The following TMTC1 variants were observed in gnomAD, a reference collection of about 807,000 sequenced individuals.
TMTC1 encodes the protein protein O-mannosyl-transferase TMTC1.
Under a neutral mutation model 104.8 loss-of-function variants are expected in TMTC1, and 73 were observed. The observed-to-expected ratio is 0.70, with a 90% CI of 0.58 to 0.85. The LOEUF (loss-of-function observed/expected upper bound fraction) is 0.85. Ranked by LOEUF, TMTC1 falls within the 40% of genes least tolerant of loss-of-function variation. The pLI is 0.00. For synonymous variants in TMTC1, 434 were observed against 428.7 expected, an observed-to-expected ratio of 1.01 and a Z score of -0.15; for missense variants, 1,035 against 1,096.1, an observed-to-expected ratio of 0.94 and a Z score of 0.79.
intron 5 of TMTC1, among the ~76,000 whole-genome samples, chr12:29,689,588 T>C (rs1193014836): frequency 6.6e-6 from 1 of 152,322 alleles, no homozygotes; most frequent in African/African-American, 2.4e-5. Context: ...TGAATTTTAC[T>C]CTAATTTCTA....
intron 7 of TMTC1, among the ~76,000 whole-genome samples, chr12:29,596,006 T>C (rs1054354344): frequency 1.3e-5 from 2 of 151,326 alleles, no homozygotes; most frequent in Non-Finnish European, 2.9e-5. Flanking sequence ...ATTGTTGTTG[T>C]TGTTCATTTT....
intron 5 of TMTC1, among the ~76,000 whole-genome samples, chr12:29,635,640 C>T (rs1183833384): frequency 1.3e-5 from 2 of 152,134 alleles, no homozygotes; most frequent in Non-Finnish European, 2.9e-5. Flanking sequence ...CTGATGTCCT[C>T]CTGATGGAAA....
At chr12:29,732,939 G>GC (rs1349284020) in intron 5 of TMTC1, among the ~76,000 whole-genome samples, 1 of 152,144 alleles carries the variant, frequency 6.6e-6, no homozygotes, top group Non-Finnish European at 1.5e-5. Context: ...CCAGGATAAA[G>GC]CCTCTCACCT....
intron 5 of TMTC1, chr12:29,666,152 G>A (rs142947248): frequency 2.3e-6 from 1 of 429,800 alleles, no homozygotes; most frequent in East Asian, 7.1e-5. Context: ...ATAGCAAGAT[G>A]ATCAATAAAT....
intron 5 of TMTC1, among the ~76,000 whole-genome samples, chr12:29,664,625 A>T (rs996385339): frequency 7.9e-5 from 12 of 152,370 alleles, no homozygotes; most frequent in African/African-American, 2.6e-4. Context: ...CACTAATCTA[A>T]GTGATTTGAG....
chr12:29,670,310 C>A (rs868840961), intron 5 of TMTC1, among the ~76,000 whole-genome samples: 2 of 152,140 alleles, frequency 1.3e-5, no homozygotes, highest in South Asian at 4.1e-4. Flanking sequence ...GCAGCAAATA[C>A]CATTTAATGA....
At chr12:29,719,677 G>T (rs1485004267) in intron 5 of TMTC1, among the ~76,000 whole-genome samples, 1 of 152,142 alleles carries the variant, frequency 6.6e-6, no homozygotes, top group Non-Finnish European at 1.5e-5. Context: ...ATTCTGCAAT[G>T]CCTGCAAGGC....
In TMTC1 at chr12:29,565,755, G is replaced by A. The variant is rs186453612; in HGVS notation, c.1532+6350C>T. Among the ~76,000 whole-genome samples, 147 of 152,360 alleles carry A rather than the reference G, an allele frequency of 9.6e-4. 1 individual carries two copies. Among genetic ancestry groups the A allele is most frequent in the African/African-American group, 3.4e-3 (141 of 41,578 alleles). The stretch of plus-strand genomic sequence containing the variant: ...CCAGTTACTTGGGAGGCTGAGGCAA[G>A]AGAATCTCTTGTACCCAGAAGGCAG... On this transcript the variant is annotated intron_variant, in intron 9 of 17. Coordinates refer to ENST00000539277, the MANE Select transcript of TMTC1 (RefSeq NM_001193451.2).
At chr12:29,590,177 C>T (rs1374371340) in intron 7 of TMTC1, among the ~76,000 whole-genome samples, 1 of 145,214 alleles carries the variant, frequency 6.9e-6, no homozygotes. Flanking sequence ...GGGCCATATA[C>T]AGTAACAAAA....
intron 5 of TMTC1, chr12:29,660,038 T>C: frequency 7.4e-7 from 1 of 1,353,948 alleles, no homozygotes; most frequent in Non-Finnish European, 1.0e-6. Context: ...CCACCCTTTT[T>C]GCAGGTGCAT....
intron 11 of TMTC1, among the ~76,000 whole-genome samples, chr12:29,525,739 T>TA (rs1944325608): frequency 6.6e-6 from 1 of 152,214 alleles, no homozygotes; most frequent in African/African-American, 2.4e-5. Flanking sequence ...AAGGCCAACT[T>TA]ACGTTTTCCC....
At chr12:29,529,017 A>G (rs1944425744) in intron 11 of TMTC1, among the ~76,000 whole-genome samples, 1 of 152,142 alleles carries the variant, frequency 6.6e-6, no homozygotes, top group South Asian at 2.1e-4. Context: ...TGTCGGTTCA[A>G]TCTGTTTTAT....
intron 5 of TMTC1, among the ~76,000 whole-genome samples, chr12:29,673,748 T>G (rs1940610015): frequency 1.2e-5 from 1 of 84,994 alleles, no homozygotes; most frequent in African/African-American, 3.7e-5. Context: ...GGACTTCTTT[T>G]TTTTTTTTTT....
intron 8 of TMTC1, among the ~76,000 whole-genome samples, chr12:29,580,318 C>G (rs941631126): frequency 6.6e-6 from 1 of 151,820 alleles, no homozygotes; most frequent in African/African-American, 2.4e-5. Context: ...GACTTTGTCT[C>G]AAAAATAAAT....
chr12:29,540,618 T>G (rs1466563318), intron 10 of TMTC1, among the ~76,000 whole-genome samples: 1 of 151,946 alleles, frequency 6.6e-6, no homozygotes. Flanking sequence ...TAATGTTACT[T>G]TTTTTTCCCC....
At chr12:29,726,714 G>T (rs1942401689) in intron 5 of TMTC1, among the ~76,000 whole-genome samples, 1 of 152,146 alleles carries the variant, frequency 6.6e-6, no homozygotes, top group Non-Finnish European at 1.5e-5. Flanking sequence ...CTGGTTAAAT[G>T]CTGGCCATAC....
At chr12:29,645,473 T>C (rs1939225646) in intron 5 of TMTC1, among the ~76,000 whole-genome samples, 1 of 152,238 alleles carries the variant, frequency 6.6e-6, no homozygotes, top group Non-Finnish European at 1.5e-5. Context: ...AATGTCATTG[T>C]CTTTCTGACC....
At chr12:29,686,794 T>C (rs1941108374) in intron 5 of TMTC1, among the ~76,000 whole-genome samples, 1 of 152,244 alleles carries the variant, frequency 6.6e-6, no homozygotes, top group African/African-American at 2.4e-5. Context: ...TTATCCTTTT[T>C]TATCATTCAC....
chr12:29,545,630 C>CAA (rs1491152154), intron 10 of TMTC1, among the ~76,000 whole-genome samples: 1 of 19,766 alleles, frequency 5.1e-5, no homozygotes, highest in South Asian at 3.0e-3. Flanking sequence ...AAGACTCTGT[C>CAA]ACACACACAC....
Sources: allele counts gnomAD v4.1 joint callset (sites outside exome capture counted in the v4.1 genomes callset), GRCh38; gene constraint gnomAD v4.1.1; transcripts MANE v1.5; gene names NCBI Gene and HGNC (gene_info 2026-07-23, HGNC 2026-07-21).